Variants in APLF observed in about 807,000 individuals in gnomAD.
The protein encoded by APLF is aprataxin and PNK-like factor.
APLF carries 61 observed loss-of-function variants against 55.6 expected under a neutral mutation model. The observed-to-expected ratio is 1.10, with a 90% CI of 0.89 to 1.36. The LOEUF is 1.36. Ranked by LOEUF, APLF falls within the 40% of genes most tolerant of loss-of-function variation. The probability of loss-of-function intolerance (pLI) is 0.00; values close to 1 mark genes in which losing one functional copy is unlikely to be tolerated. For missense variants in APLF, 611 were observed against 602.5 expected, an observed-to-expected ratio of 1.01 and a Z score of -0.15; for synonymous variants, 207 against 214.8, an observed-to-expected ratio of 0.96 and a Z score of 0.32.
intron 2 of APLF, among the ~76,000 whole-genome samples, chr2:68,501,949 T>C (rs1261277583): frequency 1.3e-5 from 2 of 152,178 alleles, no homozygotes; most frequent in Non-Finnish European, 2.9e-5. Flanking sequence ...AAGTCTAAAA[T>C]GCTGGGGCCG....
chr2:68,542,614 C>T (rs1230515874), intron 7 of APLF, among the ~76,000 whole-genome samples: 1 of 152,082 alleles, frequency 6.6e-6, no homozygotes, highest in Non-Finnish European at 1.5e-5. Flanking sequence ...CACCTCACAC[C>T]TATTAGGGTG....
chr2:68,548,126 G>A (rs1395964504), intron 8 of APLF, among the ~76,000 whole-genome samples: 2 of 151,658 alleles, frequency 1.3e-5, no homozygotes, highest in South Asian at 2.1e-4. Flanking sequence ...CTTCTCTAAC[G>A]TAATTAAAAA....
intron 1 of APLF, among the ~76,000 whole-genome samples, chr2:68,488,853 A>G (rs2103904545): frequency 6.6e-6 from 1 of 152,252 alleles, no homozygotes; most frequent in East Asian, 1.9e-4. Context: ...CTAAGGTACA[A>G]TCTGATATAC....
At position 68,526,245 on chromosome 2, in the gene APLF, G is replaced by GA; in HGVS notation, c.804+4dup. 6.3e-7 allele frequency: 1 copy of GA among 1,595,682 alleles called. No individual in the cohort carries two copies. Among genetic ancestry groups the GA allele is most frequent in the Non-Finnish European group, 8.5e-7 (1 of 1,173,562 alleles). On this transcript the variant is annotated splice_donor_region_variant and intron_variant, in intron 6 of 9. Transcript: ENST00000303795. ...AAGAGTCTACCATTTCATCCAAGGT[G>GA]ATTTTAAAAAATTCATTATTTGATT... is the stretch of plus-strand genomic sequence containing the variant.
intron 9 of APLF, among the ~76,000 whole-genome samples, chr2:68,567,961 CA>C (rs1671352285): frequency 6.6e-6 from 1 of 152,076 alleles, no homozygotes. Flanking sequence ...GATTAGATCA[CA>C]GTCTTAACCT....
At chr2:68,532,400 A>G (rs1230235068) in intron 6 of APLF, among the ~76,000 whole-genome samples, 4 of 152,148 alleles carry the variant, frequency 2.6e-5, no homozygotes, top group Non-Finnish European at 4.4e-5. Flanking sequence ...TGAGATTCTG[A>G]TTCATTTGGT....
chr2:68,549,716 T>C (rs149164939), intron 8 of APLF, among the ~76,000 whole-genome samples: 359 of 152,288 alleles, frequency 2.4e-3, no homozygotes, highest in African/African-American at 8.4e-3. Flanking sequence ...TTTTTTCCTG[T>C]GGTGGTTCTA....
chr2:68,491,135 T>C (rs1676345180), intron 2 of APLF, among the ~76,000 whole-genome samples: 1 of 152,208 alleles, frequency 6.6e-6, no homozygotes, highest in African/African-American at 2.4e-5. Flanking sequence ...GTATTCACCT[T>C]ATCTCAACCT....
intron 6 of APLF, among the ~76,000 whole-genome samples, chr2:68,530,732 G>T (rs2103992610): frequency 6.6e-6 from 1 of 152,192 alleles, no homozygotes; most frequent in African/African-American, 2.4e-5. Context: ...TATAACTCTA[G>T]GTTTTCTTAT....
At chr2:68,575,386 G>A (rs1671593627) in intron 9 of APLF, among the ~76,000 whole-genome samples, 1 of 152,254 alleles carries the variant, frequency 6.6e-6, no homozygotes, top group South Asian at 2.1e-4. Flanking sequence ...ACTACCAGTG[G>A]GCTAGTTGAG....
At chr2:68,489,009 A>G (rs1368976311) in intron 1 of APLF, among the ~76,000 whole-genome samples, 2 of 151,768 alleles carry the variant, frequency 1.3e-5, no homozygotes, top group Non-Finnish European at 2.9e-5. Context: ...AAAAGAAAGG[A>G]ATCTTTAAAT....
chr2:68,523,296 A>G (rs947048516), intron 5 of APLF, among the ~76,000 whole-genome samples: 9 of 151,990 alleles, frequency 5.9e-5, no homozygotes, highest in African/African-American at 2.2e-4. Flanking sequence ...TAAGCAATTG[A>G]TAATATCCAC....
At chr2:68,480,456 A>G (rs1293302346) in intron 1 of APLF, among the ~76,000 whole-genome samples, 1 of 151,320 alleles carries the variant, frequency 6.6e-6, no homozygotes, top group East Asian at 1.9e-4. Flanking sequence ...GGCGCCCACC[A>G]CCATGTGCAG....
In APLF at chr2:68,578,694, A is replaced by T. The variant is rs1008932789; in HGVS notation, c.*672A>T. The T allele has an allele frequency of 3.0e-6, 3 of 985,122 alleles. No individual in the cohort carries two copies. Among genetic ancestry groups the T allele is most frequent in the Admixed American group, 6.2e-5 (1 of 16,232 alleles). 61.0% of individuals were successfully genotyped at this position (985,122 alleles called of 1,614,324 possible). A position where few individuals can be genotyped will look rare whatever the true frequency, so the allele number is the denominator to read the frequency against. Reference sequence around the variant, plus strand: ...TATGTTTGAATTTAAAAGTAAAAAAACTCAAAAAACTTGACCTTTTTTTTC... The same window carrying T: ...TATGTTTGAATTTAAAAGTAAAAAATCTCAAAAAACTTGACCTTTTTTTTC... On this transcript the variant is annotated 3_prime_UTR_variant, in exon 10 of 10. Transcript: ENST00000303795.
In APLF at chr2:68,525,742, C is replaced by CTTTTTTTTTTTTTTTTTTT. The variant is rs386390398; in HGVS notation, c.623-312_623-294dup. On this transcript the variant is annotated intron_variant, in intron 5 of 9. Coordinates refer to ENST00000303795, the MANE Select transcript of APLF (RefSeq NM_173545.3). ...TTTATCCTTTTTATTTTCTTTCTTT[C>CTTTTTTTTTTTTTTTTTTT]TTTTTTTTTTTTTTTTTTTTTTTTT... Among the ~76,000 whole-genome samples, 130 of 81,956 alleles carry CTTTTTTTTTTTTTTTTTTT rather than the reference C, an allele frequency of 1.6e-3. 2 individuals carry two copies. The highest frequency in any genetic ancestry group is 8.9e-3 in the Middle Eastern group (1 of 112). The allele number at this position is 81,956 out of a possible 152,430, so 53.8% of individuals were successfully genotyped here.
At chr2:68,526,818 G>A (rs1670071269) in intron 6 of APLF, among the ~76,000 whole-genome samples, 1 of 152,200 alleles carries the variant, frequency 6.6e-6, no homozygotes, top group African/African-American at 2.4e-5. Context: ...CTCCCGAGTA[G>A]CTGGGACTAC....
chr2:68,471,684 C>A (rs1675621603), intron 1 of APLF, among the ~76,000 whole-genome samples: 1 of 152,062 alleles, frequency 6.6e-6, no homozygotes, highest in Admixed American at 6.6e-5. Context: ...GTAACAGTGT[C>A]ATATTGTTTT....
At chr2:68,492,588 C>T (rs1426499215) in intron 2 of APLF, among the ~76,000 whole-genome samples, 2 of 152,162 alleles carry the variant, frequency 1.3e-5, no homozygotes, top group Admixed American at 1.3e-4. Context: ...CCAGTATGTA[C>T]TGAGCCAAAT....
intron 1 of APLF, among the ~76,000 whole-genome samples, chr2:68,468,989 G>GGTGTGTGTGT (rs34695552): frequency 6.1e-4 from 89 of 146,758 alleles, no homozygotes; most frequent in African/African-American, 1.5e-3. Context: ...GTCCTAAAGG[G>GGTGTGTGTGT]GTGTGTGTGT....
Sources: allele counts gnomAD v4.1 joint callset (sites outside exome capture counted in the v4.1 genomes callset), GRCh38; gene constraint gnomAD v4.1.1; transcripts MANE v1.5; gene names NCBI Gene and HGNC (gene_info 2026-07-23, HGNC 2026-07-21).